TIAM1: variants seen among roughly 807,000 people sequenced by gnomAD.
TIAM1 encodes the protein TIAM Rac1 associated GEF 1.
In TIAM1, 65 loss-of-function variants were observed where a neutral mutation model predicts 163.5. That is an observed-to-expected ratio of 0.40 (90% confidence interval 0.33 to 0.49). TIAM1 has a LOEUF of 0.49. Among genes scored for constraint, TIAM1 ranks in the 20% least tolerant of loss-of-function variants. TIAM1 has a pLI of 0.77. For missense variants in TIAM1, 1,789 were observed against 2,044.7 expected (o/e 0.87, Z 2.41); for synonymous variants, 833 against 810.1 (o/e 1.03, Z -0.48).
chr21:31,220,394 A>G (rs1347434278), intron 8 of TIAM1, among the ~76,000 whole-genome samples: 1 of 152,246 alleles, frequency 6.6e-6, no homozygotes, highest in Non-Finnish European at 1.5e-5. Context: ...CACATCCTAT[A>G]TAACACGGTG....
intron 2 of TIAM1, among the ~76,000 whole-genome samples, chr21:31,382,846 T>C (rs1051806121): frequency 2.0e-5 from 3 of 152,258 alleles, no homozygotes; most frequent in African/African-American, 4.8e-5. Flanking sequence ...TATGCTTTTA[T>C]GCCTTCAATA....
intron 2 of TIAM1, among the ~76,000 whole-genome samples, chr21:31,444,000 C>A (rs542635711): frequency 2.0e-5 from 3 of 152,306 alleles, no homozygotes; most frequent in Admixed American, 2.0e-4. Flanking sequence ...AAAGCCAAAG[C>A]AAAGCTGCAG....
intron 23 of TIAM1, among the ~76,000 whole-genome samples, chr21:31,131,443 T>C (rs1459346686): frequency 3.3e-5 from 5 of 152,344 alleles, no homozygotes; most frequent in South Asian, 4.1e-4. Context: ...GTTTATGAAA[T>C]AGAATTCAAC....
At chr21:31,287,503 C>G (rs2073855988) in intron 2 of TIAM1, among the ~76,000 whole-genome samples, 1 of 152,148 alleles carries the variant, frequency 6.6e-6, no homozygotes, top group South Asian at 2.1e-4. Context: ...AAGAAATAGA[C>G]TAATTCTGCT....
intron 4 of TIAM1, among the ~76,000 whole-genome samples, chr21:31,262,987 T>C (rs2072561743): frequency 6.6e-6 from 1 of 152,094 alleles, no homozygotes; most frequent in Non-Finnish European, 1.5e-5. Context: ...CAAGGAAGCT[T>C]CCACACCCAC....
intron 13 of TIAM1, among the ~76,000 whole-genome samples, chr21:31,189,203 C>T (rs924319580): frequency 5.9e-5 from 9 of 151,580 alleles, no homozygotes; most frequent in Admixed American, 2.6e-4. Context: ...TACAGGCACA[C>T]ACCACCACAC....
intron 1 of TIAM1, among the ~76,000 whole-genome samples, chr21:31,538,104 TG>T (rs1160325570): frequency 6.6e-6 from 1 of 152,230 alleles, no homozygotes; most frequent in African/African-American, 2.4e-5. Context: ...GGAAAGTTTC[TG>T]GGGTCTCAGC....
intron 1 of TIAM1, among the ~76,000 whole-genome samples, chr21:31,477,474 A>AT (rs58353334): frequency 0.16 from 20,705 of 131,916 alleles, 2,888 homozygotes; most frequent in East Asian, 0.68. Flanking sequence ...AACTAAATGC[A>AT]TTTTTTTTTT....
chr21:31,165,688 T>C lies in TIAM1; in HGVS notation c.2888-623A>G, dbSNP rs141881867. 4.2e-3 allele frequency among the ~76,000 whole-genome samples: 641 copies of C among 151,428 alleles called. 5 individuals are homozygous for C. The highest frequency in any genetic ancestry group is 0.015 in the African/African-American group (621 of 41,408). ...AATAATAATTTATAATAAAAGAATA[T>C]ATATATTATATACTAAAAAATTAAC... On this transcript the variant is annotated intron_variant, in intron 15 of 27. Transcript: ENST00000541036.
intron 1 of TIAM1, among the ~76,000 whole-genome samples, chr21:31,339,792 T>C (rs1481999228): frequency 2.6e-5 from 4 of 152,094 alleles, no homozygotes; most frequent in East Asian, 3.9e-4. Flanking sequence ...GAAACAAAAC[T>C]TTCCAAAAGT....
At chr21:31,436,872 C>T (rs1452157743) in intron 2 of TIAM1, among the ~76,000 whole-genome samples, 6 of 151,932 alleles carry the variant, frequency 3.9e-5, no homozygotes, top group Non-Finnish European at 5.9e-5. Flanking sequence ...ACAGGAGAAT[C>T]GCTTGCACCC....
At position 31,418,342 on chromosome 21, in the gene TIAM1, A is replaced by C. The variant is rs977920743; in HGVS notation, c.-369+45641T>G. ...GGGCGACAGAGCGAGACTCTGTCTC[A>C]AAAAAAAAAAAAAAAAAAAAAAAAA... On this transcript the variant is annotated intron_variant, in intron 2 of 28. Coordinates refer to the TIAM1 transcript ENST00000286827. Among the ~76,000 whole-genome samples the C allele has an allele frequency of 1.4e-4, 11 of 80,094 alleles. No homozygotes were observed. In the East Asian group the frequency reaches 4.5e-3, roughly 33 times the overall value. 52.5% of individuals were successfully genotyped at this position (80,094 alleles called of 152,430 possible).
chr21:31,401,956 T>C (rs2077173269), intron 2 of TIAM1, among the ~76,000 whole-genome samples: 2 of 151,532 alleles, frequency 1.3e-5, no homozygotes, highest in South Asian at 4.2e-4. Flanking sequence ...GGCTCACACC[T>C]GTAATCCCAG....
rs1020997111 is a variant in TIAM1 at position 31,246,052 on chromosome 21, T to C, written c.1412-392A>G. Among the ~76,000 whole-genome samples, 8 of 152,198 alleles carry C rather than the reference T, an allele frequency of 5.3e-5. No homozygotes were observed. In the South Asian group the frequency reaches 6.2e-4, roughly 12 times the overall value. Reference sequence around the variant, plus strand: ...AGGATCAGAAGTCACTACCGTCCGATTGAAGCCCATTCAAATATGTCTCGT... The same window carrying C: ...AGGATCAGAAGTCACTACCGTCCGACTGAAGCCCATTCAAATATGTCTCGT... On this transcript the variant is annotated intron_variant, in intron 5 of 27. Transcript: ENST00000541036.
chr21:31,174,925 C>T (rs1015326391), intron 15 of TIAM1, among the ~76,000 whole-genome samples: 6 of 152,168 alleles, frequency 3.9e-5, no homozygotes, highest in African/African-American at 9.6e-5. Context: ...GGATTACAGG[C>T]GTGAGCCATC....
chr21:31,514,154 C>A (rs2047304495), intron 1 of TIAM1, among the ~76,000 whole-genome samples: 1 of 152,058 alleles, frequency 6.6e-6, no homozygotes, highest in African/African-American at 2.4e-5. Flanking sequence ...ATTTCATGAT[C>A]TAAGAGGTGA....
At chr21:31,152,952 C>A in intron 18 of TIAM1, 114 bp downstream of exon 18, 1 of 1,322,516 alleles carries the variant, frequency 7.6e-7, no homozygotes, top group Non-Finnish European at 1.0e-6. Flanking sequence ...CAGCTAGTTA[C>A]AATTAAATAA....
At chr21:31,252,258 G>A in intron 4 of TIAM1, 69 bp from the exon 5 acceptor site, 1 of 1,515,152 alleles carries the variant, frequency 6.6e-7, no homozygotes, top group Non-Finnish European at 8.9e-7. Flanking sequence ...GTCACGTGGA[G>A]AAGAGCCCTG....
intron 12 of TIAM1, among the ~76,000 whole-genome samples, chr21:31,197,819 C>T (rs1033522733): frequency 1.1e-4 from 17 of 152,106 alleles, no homozygotes; most frequent in African/African-American, 4.1e-4. Flanking sequence ...AAAGTACTTT[C>T]CTAAATTCAG....
Sources: gnomAD v4.1 joint callset for allele counts (sites outside exome capture counted in the v4.1 genomes callset) on GRCh38, gnomAD v4.1.1 for gene constraint, MANE v1.5 for transcripts, NCBI Gene and HGNC (gene_info 2026-07-23, HGNC 2026-07-21) for gene names.